Variants in DDR1 observed in about 807,000 individuals in gnomAD.
DDR1 encodes the protein discoidin domain receptor tyrosine kinase 1, also known as epithelial discoidin domain-containing receptor 1.
DDR1 carries 64 observed loss-of-function variants against 97.4 expected under a neutral mutation model. The observed-to-expected ratio is 0.66, with a 90% CI of 0.54 to 0.81. The LOEUF is 0.81. DDR1 is among the 30% of genes least tolerant of loss of function. The pLI is 0.00. For synonymous variants in DDR1, 458 were observed against 503.7 expected, an observed-to-expected ratio of 0.91 and a Z score of 1.21; for missense variants, 990 against 1,259.6, an observed-to-expected ratio of 0.79 and a Z score of 3.24.
In DDR1 at chr6:30,888,939, C is replaced by T. The variant is rs572246904; in HGVS notation, c.117C>T (p.Asp39=). Residue 39 remains aspartate (D), a synonymous_variant, in exon 3 of 18, where the codon GAC becomes GAT. Coordinates refer to ENST00000376568, the MANE Select transcript of DDR1 (RefSeq NM_001297654.2). This position sits in a 1 kb window ranked among gnomAD's most constrained non-coding sequence, Gnocchi z 4.2. ...AKCRYALGMQ[D]RTIPDSDISA... is the part of the protein sequence containing the mutation. ...GCCGCTATGCCCTGGGCATGCAGGACCGGACCATCCCAGACAGTGACATCT... is the reference window on the plus strand; with the variant it reads ...GCCGCTATGCCCTGGGCATGCAGGATCGGACCATCCCAGACAGTGACATCT... 1.9e-5 allele frequency: 30 copies of T among 1,612,992 alleles called. No homozygotes were observed. The South Asian group carries it at 2.9e-4, about 15-fold the overall frequency.
upstream of DDR1, chr6:30,883,045 T>A (rs1784549371): frequency 6.6e-6 from 1 of 152,410 alleles, no homozygotes; most frequent in South Asian, 2.1e-4. The surrounding 1 kb of genome is among the most constrained non-coding windows in gnomAD (Gnocchi z 4.9). Flanking sequence ...GGGAAGAAGC[T>A]GCTCTTCGAG....
In DDR1 at chr6:30,891,803, C is replaced by T. The variant is rs1788472724; in HGVS notation, c.666-199C>T. ...GTGCCTTTGTGCTGGATGTGACCTG[C>T]AAGGTACCTGTAGTGCTGGGGTGGG... On this transcript the variant is annotated intron_variant, in intron 6 of 17. Coordinates refer to ENST00000376568, the MANE Select transcript of DDR1 (RefSeq NM_001297654.2). The surrounding 1 kb of genome is among the most constrained non-coding windows in gnomAD (Gnocchi z 5.3). Among the ~76,000 whole-genome samples the T allele has an allele frequency of 6.6e-6, 1 of 152,084 alleles. No homozygotes were observed. The highest frequency in any genetic ancestry group is 2.1e-4 in the South Asian group (1 of 4,830).
chr6:30,899,180 TG>T lies in DDR1; in HGVS notation c.2627del (p.Cys876SerfsTer8), dbSNP rs1165631388. On this transcript the variant is annotated frameshift_variant, in exon 18 of 18. Coordinates refer to ENST00000376568, the MANE Select transcript of DDR1 (RefSeq NM_001297654.2). LOFTEE classifies it high-confidence loss of function. ...RQVYLSRPPA[C>X]PQGLYELMLR... ...GGTGTACCTGTCCCGGCCGCCTGCC[TG>T]CCCGCAGGGCCTATATGAGCTGATG... The T allele has an allele frequency of 6.2e-7, 1 of 1,614,120 alleles. No individual in the cohort carries two copies. The highest frequency in any genetic ancestry group is 8.5e-7 in the Non-Finnish European group (1 of 1,180,042).
chr6:30,882,691 G>T (rs1421486429), upstream of DDR1: 3 of 152,592 alleles, frequency 2.0e-5, no homozygotes, highest in Non-Finnish European at 2.9e-5. The surrounding 1 kb of genome is among the most constrained non-coding windows in gnomAD (Gnocchi z 4.8). Flanking sequence ...AAAGGTTTCA[G>T]GACTCTCTAG....
chr6:30,892,904 G>C, intron 8 of DDR1, 164 bp from the exon 9 acceptor site: 1 of 657,714 alleles, frequency 1.5e-6, no homozygotes, highest in African/African-American at 1.8e-5. Flanking sequence ...ACCCACCACA[G>C]CTGGGTGTTC....
Position 30,891,279 on chromosome 6 carries a change from G to T in DDR1, c.566-101G>T. ...GTCTCCTCCATGCCAATGAGCCAGT[G>T]GAGAGATACAAGAAGGGACCTGAAA... On this transcript the variant is annotated intron_variant, in intron 5 of 17. Transcript: ENST00000376568. The surrounding 1 kb of genome is among the most constrained non-coding windows in gnomAD (Gnocchi z 5.3). 1 of 1,408,650 alleles carries T rather than the reference G, an allele frequency of 7.1e-7. No individual in the cohort carries two copies. 87.3% of individuals were successfully genotyped at this position (1,408,650 alleles called of 1,614,324 possible).
rs1366347986 is a variant in DDR1, at chr6:30,884,822, T to C, written c.-43+112T>C. ...GGGGGAGGCAGGACGTCCCGAGCCA[T>C]GCTTGGTCGTCCAGCTCTTCTAAGC... On this transcript the variant is annotated intron_variant, in intron 1 of 17. Transcript: ENST00000376568. This position sits in a 1 kb window ranked among gnomAD's most constrained non-coding sequence, Gnocchi z 6.1. 1 of 205,492 alleles carries C rather than the reference T, an allele frequency of 4.9e-6. No homozygotes were observed. Among genetic ancestry groups the C allele is most frequent in the Non-Finnish European group, 9.8e-6 (1 of 102,146 alleles). 12.7% of individuals were successfully genotyped at this position (205,492 alleles called of 1,614,324 possible). A position where few individuals can be genotyped will look rare whatever the true frequency, so the allele number is the denominator to read the frequency against.
intron 16 of DDR1, 57 bp from the exon 17 acceptor site, chr6:30,898,831 G>A: frequency 6.4e-7 from 1 of 1,554,272 alleles, no homozygotes; most frequent in Non-Finnish European, 8.8e-7. Context: ...AGGAAGGGAG[G>A]AGGGTCTACG....
At chr6:30,896,890 C>T (rs1319226567) in intron 13 of DDR1, 25 bp downstream of exon 13, 1 of 1,561,816 alleles carries the variant, frequency 6.4e-7, no homozygotes, top group African/African-American at 1.4e-5. Flanking sequence ...TACCCAGTGT[C>T]TGGCCCTATT....
In DDR1 at chr6:30,889,955, C is replaced by T. The variant is rs1787416446; in HGVS notation, c.417+525C>T. Among the ~76,000 whole-genome samples the T allele has an allele frequency of 6.6e-6, 1 of 152,222 alleles. No individual in the cohort carries two copies. Among genetic ancestry groups the T allele is most frequent in the South Asian group, 2.1e-4 (1 of 4,824 alleles). ...GCATCAGCAGCCCCGTCTGTTCTAC[C>T]TCCATAGTGTTCCTGAGTCCAGTCA... On this transcript the variant is annotated intron_variant, in intron 4 of 17. Transcript: ENST00000376568. The surrounding 1 kb of genome is among the most constrained non-coding windows in gnomAD (Gnocchi z 4.9).
In DDR1 at chr6:30,894,316, A is replaced by G. The variant is rs1426544427; in HGVS notation, c.1348-190A>G. Among the ~76,000 whole-genome samples, 3 of 151,970 alleles carry G rather than the reference A, an allele frequency of 2.0e-5. No individual in the cohort carries two copies. The highest frequency in any genetic ancestry group is 4.4e-5 in the Non-Finnish European group (3 of 67,990). On this transcript the variant is annotated intron_variant, in intron 10 of 17. Coordinates refer to ENST00000376568, the MANE Select transcript of DDR1 (RefSeq NM_001297654.2). The surrounding 1 kb of genome is among the most constrained non-coding windows in gnomAD (Gnocchi z 5.7). ...CTGGGCAGATGAGGGTTAGAATCTC[A>G]TTGTGGGACAGGGAAGTTACCTCCA...
chr6:30,887,748 T>A (rs1184190516), intron 1 of DDR1, among the ~76,000 whole-genome samples: 5 of 151,848 alleles, frequency 3.3e-5, no homozygotes, highest in Admixed American at 2.6e-4. Context: ...ATCTTTGAAA[T>A]CTTCTTTTTT....
At position 30,899,033 on chromosome 6, in the gene DDR1, G is replaced by A. The variant is rs144391131; in HGVS notation, c.2597G>A (p.Arg866Gln). The A allele has an allele frequency of 3.7e-5, 59 of 1,614,028 alleles. No homozygotes were observed. The highest frequency in any genetic ancestry group is 1.8e-4 in the East Asian group (8 of 44,886). The change falls in exon 17 of 18, where the codon CGG becomes CAG. Residue 866 changes from arginine (R) to glutamine (Q), a missense_variant. Arg to Gln is a conservative substitution (Grantham distance 43, BLOSUM62 1). Transcript: ENST00000376568. ...NAGEFFRDQG[R>Q]QVYLSRPPAC... is the part of the protein sequence containing the mutation. ...GGGGAGTTCTTCCGGGACCAGGGCCGGCAGGTCAGAGTGGAGGAGAGGGAA... is the reference window on the plus strand; with the variant it reads ...GGGGAGTTCTTCCGGGACCAGGGCCAGCAGGTCAGAGTGGAGGAGAGGGAA...
chr6:30,897,198 G>A lies in DDR1; in HGVS notation c.1997+57G>A. On this transcript the variant is annotated intron_variant, in intron 14 of 17. Transcript: ENST00000376568. The surrounding 1 kb of genome is among the most constrained non-coding windows in gnomAD (Gnocchi z 5.2). The stretch of plus-strand genomic sequence containing the variant: ...GAGGGGAGGCCGTGAAGAGTGGGGA[G>A]CCATCTAGAGAGAACAATGGCAGAG... 1 of 1,597,632 alleles carries A rather than the reference G, an allele frequency of 6.3e-7. No individual in the cohort carries two copies. The highest frequency in any genetic ancestry group is 8.5e-7 in the Non-Finnish European group (1 of 1,172,554).
chr6:30,897,345 C>T lies in DDR1; in HGVS notation c.1998-34C>T, dbSNP rs775409612. 18 of 1,609,186 alleles carry T rather than the reference C, an allele frequency of 1.1e-5. No homozygotes were observed. The highest frequency in any genetic ancestry group is 6.7e-5 in the East Asian group (3 of 44,802). ...CGGGGGAAGGTGCAGGCCGCCCACT[C>T]GGCATTCCTCTTCAGCTTCTCCTTG... On this transcript the variant is annotated intron_variant, in intron 14 of 17. Coordinates refer to ENST00000376568, the MANE Select transcript of DDR1 (RefSeq NM_001297654.2). The surrounding 1 kb of genome is among the most constrained non-coding windows in gnomAD (Gnocchi z 5.2).
Position 30,892,436 on chromosome 6 carries a change from C to T in DDR1, c.993C>T (p.Ala331=). 6.2e-7 allele frequency: 1 copy of T among 1,607,602 alleles called. No individual in the cohort carries two copies. The highest frequency in any genetic ancestry group is 8.5e-7 in the Non-Finnish European group (1 of 1,179,448). The part of the protein sequence containing the change: ...NLGGNLGDPR[A]RAVSVPLGGR... ...GGGGCAACCTGGGGGACCCCAGAGC[C>T]CGGGCTGTCTCAGTGCCCCTTGGCG... The change falls in exon 8 of 18, where the codon GCC becomes GCT. Residue 331 remains alanine (A), a synonymous_variant. Coordinates refer to ENST00000376568, the MANE Select transcript of DDR1 (RefSeq NM_001297654.2).
intron 1 of DDR1, chr6:30,885,105 C>G: frequency 8.0e-7 from 1 of 1,253,476 alleles, no homozygotes; most frequent in South Asian, 1.4e-5. Flanking sequence ...TCCGCTCAGC[C>G]AACACCCAGT....
chr6:30,894,600 C>T lies in DDR1; in HGVS notation c.1442C>T (p.Pro481Leu). ...AACAACCGCCCAGGTCCTAGAGAGC[C>T]ACCCCCGTACCAGGAGCCCCGGCCT... Reference protein sequence around the residue: ...LINNRPGPREPPPYQEPRPRG... With the variant: ...LINNRPGPRELPPYQEPRPRG... The change falls in exon 11 of 18, where the codon CCA becomes CTA. Residue 481 changes from proline to leucine, a missense_variant. Transcript: ENST00000376568. The surrounding 1 kb of genome is among the most constrained non-coding windows in gnomAD (Gnocchi z 5.7). The T allele has an allele frequency of 1.2e-6, 2 of 1,613,488 alleles. No individual in the cohort carries two copies. Among genetic ancestry groups the T allele is most frequent in the Non-Finnish European group, 1.7e-6 (2 of 1,179,690 alleles).
chr6:30,888,945 C>T lies in DDR1; in HGVS notation c.123C>T (p.Thr41=). 2 of 1,613,022 alleles carry T rather than the reference C, an allele frequency of 1.2e-6. No homozygotes were observed. The highest frequency in any genetic ancestry group is 1.7e-6 in the Non-Finnish European group (2 of 1,180,026). The change falls in exon 3 of 18, where the codon ACC becomes ACT. Residue 41 remains threonine, a synonymous_variant. Transcript: ENST00000376568. The surrounding 1 kb of genome is among the most constrained non-coding windows in gnomAD (Gnocchi z 4.2). ...ATGCCCTGGGCATGCAGGACCGGAC[C>T]ATCCCAGACAGTGACATCTCTGCTT... is the stretch of plus-strand genomic sequence containing the variant. ...CRYALGMQDR[T]IPDSDISASS... is the part of the protein sequence containing the mutation.
Sources: allele counts gnomAD v4.1 joint callset (sites outside exome capture counted in the v4.1 genomes callset), GRCh38; gene constraint gnomAD v4.1.1; non-coding constraint Gnocchi (gnomAD v3.1); transcripts MANE v1.5; gene names NCBI Gene and HGNC (gene_info 2026-07-23, HGNC 2026-07-21).